CPNE4: variants seen among roughly 807,000 people sequenced by gnomAD.
The protein encoded by CPNE4 is copine 4.
Under a neutral mutation model 67.9 loss-of-function variants are expected in CPNE4, and 25 were observed. That is an observed-to-expected ratio of 0.37 (90% confidence interval 0.27 to 0.51). CPNE4 has a LOEUF of 0.51. CPNE4 is among the 20% of genes least tolerant of loss of function. CPNE4 has a pLI of 0.93. For synonymous variants in CPNE4, 242 were observed against 244.9 expected, an observed-to-expected ratio of 0.99 and a Z score of 0.11; for missense variants, 464 against 690.8, an observed-to-expected ratio of 0.67 and a Z score of 3.68.
chr3:131,626,802 C>T (rs1207738943), intron 7 of CPNE4, among the ~76,000 whole-genome samples: 1 of 152,158 alleles, frequency 6.6e-6, no homozygotes, highest in African/African-American at 2.4e-5. Context: ...GAAGTCAATG[C>T]CCGGCTTCAG....
chr3:131,850,092 C>A (rs1049466756), intron 2 of CPNE4, among the ~76,000 whole-genome samples: 7 of 152,052 alleles, frequency 4.6e-5, no homozygotes, highest in Non-Finnish European at 8.8e-5. Flanking sequence ...ATTATTTTGG[C>A]TGCAACAATT....
chr3:131,867,834 CTT>C (rs774273185), intron 2 of CPNE4, among the ~76,000 whole-genome samples: 23 of 152,144 alleles, frequency 1.5e-4, no homozygotes, highest in African/African-American at 4.8e-4. Context: ...CCATCTCTCT[CTT>C]GGTCCTCTTC....
At chr3:131,974,912 G>A (rs60409944) in intron 1 of CPNE4, among the ~76,000 whole-genome samples, 10,081 of 152,144 alleles carry the variant, frequency 0.066, 1,041 homozygotes, top group African/African-American at 0.23. Flanking sequence ...GGAGGCTGAG[G>A]GGGGAGGATG....
intron 1 of CPNE4, among the ~76,000 whole-genome samples, chr3:132,009,206 T>G (rs1481963574): frequency 1.3e-5 from 2 of 151,342 alleles, no homozygotes; most frequent in East Asian, 3.9e-4. Flanking sequence ...TGCAGGGTGT[T>G]TTATTAAAGG....
At chr3:131,864,105 G>A (rs375675084) in intron 2 of CPNE4, among the ~76,000 whole-genome samples, 2 of 151,788 alleles carry the variant, frequency 1.3e-5, no homozygotes, top group South Asian at 2.1e-4. Flanking sequence ...TTTGGTTACT[G>A]TAGCCTTGTA....
chr3:131,804,997 A>G (rs1012492557), intron 2 of CPNE4, among the ~76,000 whole-genome samples: 5 of 152,204 alleles, frequency 3.3e-5, no homozygotes, highest in African/African-American at 1.2e-4. Context: ...ATGGTTTATT[A>G]TTTAAGGGAA....
intron 2 of CPNE4, among the ~76,000 whole-genome samples, chr3:131,869,870 C>T (rs1319861207): frequency 6.6e-6 from 1 of 152,118 alleles, no homozygotes; most frequent in Non-Finnish European, 1.5e-5. Context: ...ACCACAAAAG[C>T]ATAATACAAT....
At chr3:131,930,278 G>A (rs1459310594) in intron 1 of CPNE4, among the ~76,000 whole-genome samples, 1 of 152,032 alleles carries the variant, frequency 6.6e-6, no homozygotes, top group East Asian at 1.9e-4. Flanking sequence ...TATGTACAAA[G>A]GGAAAATAGA....
intron 1 of CPNE4, among the ~76,000 whole-genome samples, chr3:131,920,311 T>C (rs1033988441): frequency 6.6e-6 from 1 of 152,196 alleles, no homozygotes; most frequent in Non-Finnish European, 1.5e-5. Context: ...TTTCTCTTCC[T>C]GGCCCAATTT....
intron 2 of CPNE4, among the ~76,000 whole-genome samples, chr3:131,787,413 C>T (rs1425222540): frequency 1.3e-5 from 2 of 152,132 alleles, no homozygotes; most frequent in Non-Finnish European, 2.9e-5. Flanking sequence ...GGAGCAAATA[C>T]GATCTGTCAG....
At chr3:131,643,864 A>T (rs1338613336) in intron 7 of CPNE4, among the ~76,000 whole-genome samples, 1 of 151,976 alleles carries the variant, frequency 6.6e-6, no homozygotes, top group East Asian at 1.9e-4. Flanking sequence ...AGAAGGACTT[A>T]TTTGCCTCTC....
At chr3:131,682,270 C>T (rs1010403591) in intron 6 of CPNE4, among the ~76,000 whole-genome samples, 4 of 152,094 alleles carry the variant, frequency 2.6e-5, no homozygotes, top group Non-Finnish European at 5.9e-5. Context: ...TTTGTACCAT[C>T]CTTCTTGGGA....
intron 7 of CPNE4, among the ~76,000 whole-genome samples, chr3:131,607,048 G>C (rs1003887888): frequency 4.0e-5 from 6 of 150,348 alleles, no homozygotes; most frequent in Non-Finnish European, 8.8e-5. Flanking sequence ...GTACTAAGCT[G>C]TTAGCCTAAC....
rs57350854 is a variant in CPNE4, at chr3:131,721,398, C to CA, written c.360+2047_360+2048insT. Among the ~76,000 whole-genome samples, 138 of 128,342 alleles carry CA rather than the reference C, an allele frequency of 1.1e-3. 2 individuals are homozygous for CA. The highest frequency in any genetic ancestry group is 2.7e-3 in the African/African-American group (91 of 33,842). 84.2% of individuals were successfully genotyped at this position (128,342 alleles called of 152,430 possible). On this transcript the variant is annotated intron_variant, in intron 3 of 15. Transcript: ENST00000429747. The stretch of plus-strand genomic sequence containing the variant: ...CCACATGATTCCCACACGGATCTAC[C>CA]TTTTTTTTTTTTTTTGAGACGGAGT...
intron 6 of CPNE4, 47 bp from the exon 7 acceptor site, chr3:131,669,811 C>T (rs545674844): frequency 2.2e-6 from 3 of 1,392,826 alleles, no homozygotes; most frequent in East Asian, 2.3e-5. Context: ...AAATGCTTGA[C>T]ATTTTCACAT....
At chr3:131,696,776 G>C (rs182606422) in intron 4 of CPNE4, among the ~76,000 whole-genome samples, 160 bp from the exon 5 acceptor site, 2 of 152,172 alleles carry the variant, frequency 1.3e-5, no homozygotes, top group East Asian at 3.9e-4. Context: ...AGCAATTCTA[G>C]GTATTCAAGG....
At chr3:131,696,496 C>T (rs2369134) in intron 5 of CPNE4, 46 bp downstream of exon 5, 466,355 of 1,539,198 alleles carry the variant, frequency 0.3, 72,733 homozygotes, top group Middle Eastern at 0.32. Context: ...AAACTGTGTG[C>T]TAGCTTTGTT....
chr3:131,583,540 A>C (rs1462593090), intron 8 of CPNE4, among the ~76,000 whole-genome samples: 1 of 152,196 alleles, frequency 6.6e-6, no homozygotes, highest in Non-Finnish European at 1.5e-5. Flanking sequence ...GGATATATTG[A>C]GTTAAAGATT....
At chr3:131,810,906 C>T (rs2084499913) in intron 2 of CPNE4, among the ~76,000 whole-genome samples, 1 of 151,982 alleles carries the variant, frequency 6.6e-6, no homozygotes, top group South Asian at 2.1e-4. Context: ...ACCCGAATAG[C>T]ATTATGCTGG....
Sources: gnomAD v4.1 joint callset for allele counts (sites outside exome capture counted in the v4.1 genomes callset) on GRCh38, gnomAD v4.1.1 for gene constraint, MANE v1.5 for transcripts, NCBI Gene and HGNC (gene_info 2026-07-23, HGNC 2026-07-21) for gene names.